CDKAL1: variants seen among roughly 807,000 people sequenced by gnomAD.
CDKAL1 encodes the protein threonylcarbamoyladenosine tRNA methylthiotransferase.
A neutral mutation model predicts 68.2 loss-of-function variants in CDKAL1; 32 were observed. The ratio of observed to expected loss-of-function variants is 0.47; its 90% CI spans 0.35 to 0.63. The LOEUF (loss-of-function observed/expected upper bound fraction) is 0.63, where lower values mean the gene tolerates loss of function less well. CDKAL1 is among the 30% of genes least tolerant of loss of function. CDKAL1 has a pLI of 0.00. For missense variants in CDKAL1, 606 were observed against 696.7 expected (o/e 0.87, Z 1.47); for synonymous variants, 234 against 244.3 (o/e 0.96, Z 0.39).
chr6:20,764,085 T>G (rs1037838714), intron 7 of CDKAL1, among the ~76,000 whole-genome samples: 1 of 152,140 alleles, frequency 6.6e-6, no homozygotes, highest in Non-Finnish European at 1.5e-5. Context: ...CTTTTTTTTG[T>G]ATGAAAACTA....
At chr6:20,930,298 G>GT (rs1561892976) in intron 9 of CDKAL1, among the ~76,000 whole-genome samples, 1 of 151,586 alleles carries the variant, frequency 6.6e-6, no homozygotes, top group African/African-American at 2.4e-5. Context: ...TCTATAAAAA[G>GT]TATTTTTTTT....
At chr6:21,016,814 T>C (rs1233252870) in intron 11 of CDKAL1, among the ~76,000 whole-genome samples, 1 of 152,200 alleles carries the variant, frequency 6.6e-6, no homozygotes, top group Admixed American at 6.5e-5. Flanking sequence ...GTCTAACTTC[T>C]TCATGCCCAC....
intron 11 of CDKAL1, among the ~76,000 whole-genome samples, chr6:21,004,917 A>G (rs1199435379): frequency 6.6e-6 from 1 of 152,172 alleles, no homozygotes; most frequent in Non-Finnish European, 1.5e-5. Flanking sequence ...AGCTATGATC[A>G]TGCTGCTGCA....
At chr6:20,936,486 G>C (rs1016114444) in intron 9 of CDKAL1, among the ~76,000 whole-genome samples, 1 of 150,980 alleles carries the variant, frequency 6.6e-6, no homozygotes, top group Non-Finnish European at 1.5e-5. Flanking sequence ...TCCTGACCTC[G>C]TGATCCGCCC....
chr6:20,603,768 ATTTT>A (rs745786047), intron 4 of CDKAL1, among the ~76,000 whole-genome samples: 14 of 85,218 alleles, frequency 1.6e-4, no homozygotes, highest in East Asian at 4.3e-4. Context: ...CAGTTGCTAA[ATTTT>A]TTTTTTTTTT....
chr6:20,669,580 C>T (rs992204110), intron 5 of CDKAL1, among the ~76,000 whole-genome samples: 2 of 151,984 alleles, frequency 1.3e-5, no homozygotes, highest in Middle Eastern at 3.2e-3. Flanking sequence ...GAGAATGGTA[C>T]AAGGCTTGAC....
intron 4 of CDKAL1, among the ~76,000 whole-genome samples, chr6:20,555,335 TTCCGAG>T (rs1304427009): frequency 2.0e-5 from 3 of 152,138 alleles, no homozygotes; most frequent in Non-Finnish European, 4.4e-5. Context: ...TTTTATTATT[TTCCGAG>T]ATGGAGTCTT....
intron 13 of CDKAL1, among the ~76,000 whole-genome samples, chr6:21,122,336 C>T (rs565212068): frequency 6.6e-6 from 1 of 151,996 alleles, no homozygotes; most frequent in East Asian, 1.9e-4. Context: ...TTTGAAGTAC[C>T]ACATTTTGTT....
intron 13 of CDKAL1, among the ~76,000 whole-genome samples, chr6:21,127,217 G>A (rs930388686): frequency 2.0e-5 from 3 of 152,158 alleles, no homozygotes; most frequent in Non-Finnish European, 2.9e-5. Context: ...AAGCAGTGGC[G>A]AATGCCCCTA....
chr6:20,674,421 T>G (rs1328520966), intron 5 of CDKAL1, among the ~76,000 whole-genome samples: 2 of 152,134 alleles, frequency 1.3e-5, no homozygotes, highest in Admixed American at 6.5e-5. Flanking sequence ...TCCATACATT[T>G]CTATTTTTTT....
intron 8 of CDKAL1, among the ~76,000 whole-genome samples, chr6:20,810,630 GTGT>G (rs1561796660): frequency 4.8e-4 from 9 of 18,714 alleles, no homozygotes; most frequent in African/African-American, 1.9e-3. Context: ...ATGTATGGGT[GTGT>G]GTGTGTGTGT....
chr6:21,110,074 T>G (rs1010841985), intron 13 of CDKAL1, among the ~76,000 whole-genome samples: 1 of 152,198 alleles, frequency 6.6e-6, no homozygotes, highest in Admixed American at 6.5e-5. Context: ...CAGTGAGGAA[T>G]TGAATCTAAA....
At chr6:21,149,502 A>G (rs535415032) in intron 13 of CDKAL1, among the ~76,000 whole-genome samples, 2 of 152,294 alleles carry the variant, frequency 1.3e-5, no homozygotes, top group Non-Finnish European at 2.9e-5. Flanking sequence ...GTGATAGACA[A>G]TGGAAATAGT....
intron 12 of CDKAL1, among the ~76,000 whole-genome samples, chr6:21,071,938 A>G (rs1240781793): frequency 2.0e-5 from 3 of 152,204 alleles, no homozygotes; most frequent in Admixed American, 1.3e-4. Flanking sequence ...GCCAGTTTCC[A>G]TAGTGTGAAT....
intron 4 of CDKAL1, among the ~76,000 whole-genome samples, chr6:20,555,256 C>T (rs1763988387): frequency 6.6e-6 from 1 of 152,176 alleles, no homozygotes; most frequent in Admixed American, 6.6e-5. Context: ...TACTTAAGCT[C>T]ATAATGTATT....
intron 5 of CDKAL1, among the ~76,000 whole-genome samples, chr6:20,688,426 GT>G (rs770282412): frequency 0.013 from 1,950 of 145,486 alleles, 26 homozygotes; most frequent in South Asian, 0.054. Flanking sequence ...GGTTTCTTTC[GT>G]TTTTTTTTTG....
intron 9 of CDKAL1, among the ~76,000 whole-genome samples, chr6:20,866,950 A>G (rs1364236824): frequency 2.6e-5 from 4 of 152,226 alleles, no homozygotes; most frequent in Non-Finnish European, 4.4e-5. Flanking sequence ...GCACTAAGCT[A>G]AAATTAAAGC....
chr6:21,067,206 C>T (rs1771504538), intron 12 of CDKAL1, among the ~76,000 whole-genome samples: 1 of 151,966 alleles, frequency 6.6e-6, no homozygotes, highest in Non-Finnish European at 1.5e-5. Context: ...CTGTCCTCTC[C>T]CCCTCCTCAA....
chr6:20,783,220 G>C (rs1415194855), intron 8 of CDKAL1, among the ~76,000 whole-genome samples: 2 of 152,000 alleles, frequency 1.3e-5, no homozygotes, highest in Non-Finnish European at 2.9e-5. Context: ...ATGAGCCACT[G>C]CACCCAGCTG....
Sources: allele counts gnomAD v4.1 joint callset (sites outside exome capture counted in the v4.1 genomes callset), GRCh38; gene constraint gnomAD v4.1.1; transcripts MANE v1.5; gene names NCBI Gene and HGNC (gene_info 2026-07-23, HGNC 2026-07-21).